The following CD276 variants were observed in gnomAD, a reference collection of about 807,000 sequenced individuals.
CD276 encodes the protein CD276 molecule.
In CD276, 34 loss-of-function variants were observed where a neutral mutation model predicts 50.0. The ratio of observed to expected loss-of-function variants is 0.68; its 90% CI spans 0.52 to 0.91. The LOEUF (loss-of-function observed/expected upper bound fraction) is 0.91, where lower values mean the gene tolerates loss of function less well. Ranked by LOEUF, CD276 falls within the 40% of genes least tolerant of loss-of-function variation. The pLI is 0.00. For synonymous variants in CD276, 275 were observed against 313.0 expected (o/e 0.88, Z 1.28); for missense variants, 634 against 717.5 (o/e 0.88, Z 1.33).
At chr15:73,691,999 G>A (rs903660012) in intron 1 of CD276, among the ~76,000 whole-genome samples, 4 of 152,138 alleles carry the variant, frequency 2.6e-5, no homozygotes, top group Non-Finnish European at 4.4e-5. Flanking sequence ...GTGGGTCACA[G>A]TATTCCACAG....
In CD276 at chr15:73,702,770, A is replaced by G. The variant is rs760015131; in HGVS notation, c.419-2A>G. On this transcript the variant is annotated splice_acceptor_variant, in intron 3 of 9. Transcript: ENST00000318443. LOFTEE classifies it high-confidence loss of function. ...TTGACCCCTGCCCTCTGTCACCTCC[A>G]GCTCCCTACTCGAAGCCCAGCATGA... 1.2e-6 allele frequency: 2 copies of G among 1,609,530 alleles called. No individual in the cohort carries two copies. The highest frequency in any genetic ancestry group is 2.7e-5 in the African/African-American group (2 of 74,692).
rs143721582 is a variant in CD276 at position 73,689,152 on chromosome 15, A to G, written c.-55+4692A>G. 9.4e-3 allele frequency among the ~76,000 whole-genome samples: 1,415 copies of G among 150,100 alleles called. 12 individuals carry two copies. The highest frequency in any genetic ancestry group is 0.011 in the Non-Finnish European group (775 of 67,726). Reference sequence around the variant, plus strand: ...TTTTGGCTGGACCTCCTCTGGGCCCAATGTAGCTTTCACTTTTTTCAGGGC... The same window carrying G: ...TTTTGGCTGGACCTCCTCTGGGCCCGATGTAGCTTTCACTTTTTTCAGGGC... On this transcript the variant is annotated intron_variant, in intron 1 of 9. Coordinates refer to ENST00000318443, the MANE Select transcript of CD276 (RefSeq NM_001024736.2).
At chr15:73,703,236 G>A (rs1900489983) in intron 4 of CD276, 150 bp downstream of exon 4, 3 of 1,001,132 alleles carry the variant, frequency 3.0e-6, no homozygotes, top group African/African-American at 1.6e-5. Context: ...AGGTGGGGAT[G>A]TTCACTGGAG....
rs749062091 is a variant in CD276, at chr15:73,704,143, C to T, written c.1073-33C>T. ...ATCCTTTTCCTCCCCTGCCATTGCC[C>T]TGCCCTTGACCCCTGCCCTCTGTCA... is the stretch of plus-strand genomic sequence containing the variant. On this transcript the variant is annotated intron_variant, in intron 5 of 9. Transcript: ENST00000318443. The surrounding 1 kb of genome is among the most constrained non-coding windows in gnomAD (Gnocchi z 4.1). 8.1e-6 allele frequency: 13 copies of T among 1,597,898 alleles called. No homozygotes were observed. In the South Asian group the frequency reaches 1.5e-4, roughly 18 times the overall value.
At chr15:73,691,033 T>C (rs1003841124) in intron 1 of CD276, among the ~76,000 whole-genome samples, 7 of 142,138 alleles carry the variant, frequency 4.9e-5, no homozygotes, top group African/African-American at 1.8e-4. Flanking sequence ...GAGAACAGAA[T>C]TGGGTGGGGG....
chr15:73,684,716 C>T (rs1899670809), intron 1 of CD276: 1 of 152,324 alleles, frequency 6.6e-6, no homozygotes, highest in Non-Finnish European at 1.5e-5. Flanking sequence ...GCTCCCGGAT[C>T]CTACCCCGCC....
At chr15:73,710,024 A>T (rs1900828572) in intron 8 of CD276, among the ~76,000 whole-genome samples, 1 of 152,210 alleles carries the variant, frequency 6.6e-6, no homozygotes. Flanking sequence ...TCTGGGTTTA[A>T]GTTCCTGCTC....
chr15:73,701,205 T>C (rs1012676810), intron 2 of CD276, among the ~76,000 whole-genome samples: 1 of 151,756 alleles, frequency 6.6e-6, no homozygotes, highest in Non-Finnish European at 1.5e-5. Context: ...GTCCTGTTGA[T>C]TCCCTCCTAA....
In CD276 at chr15:73,714,030, A is replaced by C; in HGVS notation, c.*1074A>C. On this transcript the variant is annotated 3_prime_UTR_variant, in exon 10 of 10. Transcript: ENST00000318443. ...TGCTCCACACCTCCTCTGTGGCTCAAGGCTTCCTGGATACCTCACCCCCAT... is the reference window on the plus strand; with the variant it reads ...TGCTCCACACCTCCTCTGTGGCTCACGGCTTCCTGGATACCTCACCCCCAT... 1 of 298,206 alleles carries C rather than the reference A, an allele frequency of 3.4e-6. No homozygotes were observed. The highest frequency in any genetic ancestry group is 2.8e-5 in the South Asian group (1 of 36,260). 18.5% of individuals were successfully genotyped at this position (298,206 alleles called of 1,614,324 possible). A position where few individuals can be genotyped will look rare whatever the true frequency, so the allele number is the denominator to read the frequency against.
chr15:73,696,436 C>T (rs766915141), intron 1 of CD276, among the ~76,000 whole-genome samples: 3 of 152,166 alleles, frequency 2.0e-5, no homozygotes, highest in Non-Finnish European at 4.4e-5. Context: ...TCCTCCAGGC[C>T]CAGCTGTCAG....
chr15:73,694,583 C>A (rs982266994), intron 1 of CD276, among the ~76,000 whole-genome samples: 1 of 152,206 alleles, frequency 6.6e-6, no homozygotes, highest in African/African-American at 2.4e-5. Context: ...TACAGTCCCT[C>A]AGGGTTCTTC....
chr15:73,703,159 C>T lies in CD276; in HGVS notation c.733+73C>T. Reference sequence around the variant, plus strand: ...TCGGCAGGGGTTGGGAGCTCCGAATCTGGCCCCACCTTCAATCTCCCAGAA... The same window carrying T: ...TCGGCAGGGGTTGGGAGCTCCGAATTTGGCCCCACCTTCAATCTCCCAGAA... On this transcript the variant is annotated intron_variant, in intron 4 of 9. Transcript: ENST00000318443. 5.4e-6 allele frequency: 8 copies of T among 1,474,946 alleles called. No individual in the cohort carries two copies. In the East Asian group the frequency reaches 2.0e-4, roughly 37 times the overall value. The allele number at this position is 1,474,946 out of a possible 1,614,324, so 91.4% of individuals were successfully genotyped here. A position where few individuals can be genotyped will look rare whatever the true frequency, so the allele number is the denominator to read the frequency against.
rs924248027 is a variant in CD276, at chr15:73,696,038, C to T, written c.-54-3548C>T. 3.9e-5 allele frequency among the ~76,000 whole-genome samples: 6 copies of T among 152,334 alleles called. No individual in the cohort carries two copies. The South Asian group carries it at 6.2e-4, about 16-fold the overall frequency. ...CTTGGGTCATCTCTTGGGAGCCTCC[C>T]TGTGGCCCTGCTTCTGCAGGGTTGG... On this transcript the variant is annotated intron_variant, in intron 1 of 9. Transcript: ENST00000318443.
At chr15:73,705,985 C>T (rs1567021895) in intron 6 of CD276, among the ~76,000 whole-genome samples, 1 of 152,180 alleles carries the variant, frequency 6.6e-6, no homozygotes, top group Non-Finnish European at 1.5e-5. Context: ...CATGGTGGCT[C>T]ACACCTGTAA....
At chr15:73,705,538 C>T (rs900330718) in intron 6 of CD276, among the ~76,000 whole-genome samples, 6 of 152,082 alleles carry the variant, frequency 3.9e-5, no homozygotes, top group Non-Finnish European at 5.9e-5. Context: ...CCACCCCTTC[C>T]CCAAGATGGA....
chr15:73,705,569 C>G (rs1430362195), intron 6 of CD276, among the ~76,000 whole-genome samples: 1 of 152,144 alleles, frequency 6.6e-6, no homozygotes. Context: ...TTCCTGTGCT[C>G]TCCAGGAGAG....
intron 7 of CD276, 39 bp from the exon 8 acceptor site, chr15:73,709,609 C>G: frequency 6.2e-7 from 1 of 1,609,000 alleles, no homozygotes; most frequent in Non-Finnish European, 8.5e-7. Flanking sequence ...AATGGGCTTG[C>G]AAAAGATTTT....
chr15:73,703,247 G>A lies in CD276; in HGVS notation c.733+161G>A, dbSNP rs10152662. On this transcript the variant is annotated intron_variant, in intron 4 of 9. Coordinates refer to ENST00000318443, the MANE Select transcript of CD276 (RefSeq NM_001024736.2). ...GGGGAGGTGGGGATGTTCACTGGAG[G>A]GGTTGGGGGCGGAGAAATCACAGGC... is the stretch of plus-strand genomic sequence containing the variant. 0.19 allele frequency among the ~76,000 whole-genome samples: 28,489 copies of A among 152,022 alleles called. 3,869 individuals are homozygous for A. Among genetic ancestry groups the A allele is most frequent in the African/African-American group, 0.39 (16,144 of 41,360 alleles).
At chr15:73,694,658 C>G (rs910123738) in intron 1 of CD276, among the ~76,000 whole-genome samples, 16 of 152,018 alleles carry the variant, frequency 1.1e-4, no homozygotes, top group African/African-American at 3.9e-4. Flanking sequence ...CACACCACAT[C>G]TATGTTCCAG....
Sources: gnomAD v4.1 joint callset for allele counts (sites outside exome capture counted in the v4.1 genomes callset) on GRCh38, gnomAD v4.1.1 for gene constraint, Gnocchi (gnomAD v3.1) non-coding constraint, MANE v1.5 for transcripts, NCBI Gene and HGNC (gene_info 2026-07-23, HGNC 2026-07-21) for gene names.